Variants in ADAMTS3 observed in about 807,000 individuals in gnomAD.
The protein encoded by ADAMTS3 is A disintegrin and metalloproteinase with thrombospondin motifs 3.
Under a neutral mutation model 129.0 loss-of-function variants are expected in ADAMTS3, and 73 were observed. The ratio of observed to expected loss-of-function variants is 0.57; its 90% CI spans 0.47 to 0.69. The LOEUF (loss-of-function observed/expected upper bound fraction) is 0.69. Ranked by LOEUF, ADAMTS3 falls within the 30% of genes least tolerant of loss-of-function variation. ADAMTS3 has a pLI of 0.00. For missense variants in ADAMTS3, 1,457 were observed against 1,514.5 expected (o/e 0.96, Z 0.63); for synonymous variants, 477 against 510.8 (o/e 0.93, Z 0.89).
intron 2 of ADAMTS3, among the ~76,000 whole-genome samples, chr4:72,554,666 T>C (rs1270315746): frequency 6.6e-6 from 1 of 151,750 alleles, no homozygotes; most frequent in Non-Finnish European, 1.5e-5. Flanking sequence ...TAGCAATTTC[T>C]CTCAAACTAA....
rs776048252 is a variant in ADAMTS3, at chr4:72,319,971, G to T, written c.1103-8C>A. 4 of 1,598,686 alleles carry T rather than the reference G, an allele frequency of 2.5e-6. No homozygotes were observed. In the African/African-American group the frequency reaches 5.4e-5, roughly 21 times the overall value. On this transcript the variant is annotated splice_polypyrimidine_tract_variant and splice_region_variant and intron_variant, in intron 7 of 21. Coordinates refer to ENST00000286657, the MANE Select transcript of ADAMTS3 (RefSeq NM_014243.3). ...CGGTGACTGGAGCATATCCTGTAGAGAATAACAATTACTTTTATTTTCATT... is the reference window on the plus strand; with the variant it reads ...CGGTGACTGGAGCATATCCTGTAGATAATAACAATTACTTTTATTTTCATT...
intron 21 of ADAMTS3, among the ~76,000 whole-genome samples, chr4:72,284,366 A>T (rs1428291418): frequency 6.6e-6 from 1 of 151,782 alleles, no homozygotes; most frequent in Non-Finnish European, 1.5e-5. Context: ...AGTGGCGTGA[A>T]CCCAGGAGGT....
chr4:72,524,566 C>T (rs942414663), intron 3 of ADAMTS3, among the ~76,000 whole-genome samples: 7 of 151,870 alleles, frequency 4.6e-5, no homozygotes, highest in Non-Finnish European at 8.8e-5. Context: ...TATTAAGTTA[C>T]TATTATTATC....
intron 4 of ADAMTS3, among the ~76,000 whole-genome samples, chr4:72,344,760 TG>T (rs775326195): frequency 2.6e-5 from 4 of 152,056 alleles, no homozygotes; most frequent in Non-Finnish European, 5.9e-5. Context: ...AGCAGTTCTA[TG>T]GGGTGATCCT....
At chr4:72,326,337 C>T (rs1287713896) in intron 5 of ADAMTS3, among the ~76,000 whole-genome samples, 1 of 152,118 alleles carries the variant, frequency 6.6e-6, no homozygotes, top group Non-Finnish European at 1.5e-5. Context: ...ATATTATTCA[C>T]TTCCAAAATA....
chr4:72,358,561 G>A (rs1056018489), intron 4 of ADAMTS3, among the ~76,000 whole-genome samples: 4 of 151,688 alleles, frequency 2.6e-5, no homozygotes, highest in African/African-American at 9.7e-5. Context: ...GAATTACCTT[G>A]GACGATAGAA....
chr4:72,333,848 CTT>C (rs6148516), intron 5 of ADAMTS3, among the ~76,000 whole-genome samples: 6 of 99,466 alleles, frequency 6.0e-5, no homozygotes, highest in African/African-American at 1.2e-4. Context: ...TGTTTGCTTG[CTT>C]TTTTTTTTTT....
At chr4:72,455,767 T>G (rs540884458) in intron 3 of ADAMTS3, among the ~76,000 whole-genome samples, 1 of 141,234 alleles carries the variant, frequency 7.1e-6, no homozygotes, top group African/African-American at 2.6e-5. Flanking sequence ...TAAAGAAATA[T>G]TCACCATTGT....
intron 3 of ADAMTS3, among the ~76,000 whole-genome samples, chr4:72,509,216 C>T (rs774763588): frequency 2.7e-5 from 4 of 148,728 alleles, no homozygotes; most frequent in Admixed American, 6.7e-5. Flanking sequence ...TCTTAAAGAA[C>T]TAGAAATGCA....
At chr4:72,305,663 C>A (rs1048979315) in intron 16 of ADAMTS3, among the ~76,000 whole-genome samples, 8 of 151,334 alleles carry the variant, frequency 5.3e-5, no homozygotes, top group Non-Finnish European at 8.8e-5. Context: ...GGAGAAATGA[C>A]CAAAAAAAAC....
In ADAMTS3 at chr4:72,323,044, C is replaced by G. The variant is rs766299485; in HGVS notation, c.915G>C (p.Leu305=). The change falls in exon 6 of 22, where the codon CTG becomes CTC. Residue 305 remains leucine, a synonymous_variant. Transcript: ENST00000286657. ...CATATCCCAGCATTATCATGCGCAC[C>G]AGGACCACATTTATATGCACTCCGA... ...ESLGVHINVV[L]VRMIMLGYAK... The G allele has an allele frequency of 6.2e-7, 1 of 1,613,530 alleles. No individual in the cohort carries two copies. The highest frequency in any genetic ancestry group is 2.2e-5 in the East Asian group (1 of 44,842).
chr4:72,395,019 G>C (rs1037754635), intron 4 of ADAMTS3, among the ~76,000 whole-genome samples: 1 of 151,796 alleles, frequency 6.6e-6, no homozygotes, highest in Non-Finnish European at 1.5e-5. Context: ...CCGCCTCCTG[G>C]GTGCAAGCTA....
intron 3 of ADAMTS3, among the ~76,000 whole-genome samples, chr4:72,440,506 A>G (rs1718083892): frequency 6.6e-6 from 1 of 151,922 alleles, no homozygotes; most frequent in Non-Finnish European, 1.5e-5. Flanking sequence ...AGCAATGCAT[A>G]TGATGTTCAC....
intron 4 of ADAMTS3, among the ~76,000 whole-genome samples, chr4:72,403,618 G>A (rs953222102): frequency 6.6e-6 from 1 of 151,928 alleles, no homozygotes; most frequent in Admixed American, 6.6e-5. Context: ...GTGTGCTTGA[G>A]TTATGCAGAA....
At chr4:72,544,260 T>C (rs999674669) in intron 3 of ADAMTS3, among the ~76,000 whole-genome samples, 4 of 152,158 alleles carry the variant, frequency 2.6e-5, no homozygotes, top group African/African-American at 7.2e-5. Context: ...AAAAGCCAAA[T>C]TGATTTTTCA....
chr4:72,358,769 C>A (rs1211033179), intron 4 of ADAMTS3, among the ~76,000 whole-genome samples: 1 of 151,924 alleles, frequency 6.6e-6, no homozygotes. Context: ...TAAAATGATT[C>A]TTCACCAGGT....
At chr4:72,323,591 T>C (rs181610075) in intron 5 of ADAMTS3, among the ~76,000 whole-genome samples, 103 of 152,188 alleles carry the variant, frequency 6.8e-4, no homozygotes, top group Non-Finnish European at 1.6e-4. Context: ...GTAGTGTATC[T>C]GAGGGCCAGC....
chr4:72,414,405 C>A (rs1722254547), intron 4 of ADAMTS3, among the ~76,000 whole-genome samples: 1 of 151,780 alleles, frequency 6.6e-6, no homozygotes, highest in African/African-American at 2.4e-5. Flanking sequence ...TCAAATATAT[C>A]CATCACACTG....
chr4:72,309,320 G>T (rs1719166998), intron 15 of ADAMTS3, 77 bp downstream of exon 15: 8 of 1,439,418 alleles, frequency 5.6e-6, no homozygotes, highest in South Asian at 4.9e-5. Context: ...AGAAAATGCT[G>T]CATTTCTAAA....
Sources: allele counts gnomAD v4.1 joint callset (sites outside exome capture counted in the v4.1 genomes callset), GRCh38; gene constraint gnomAD v4.1.1; transcripts MANE v1.5; gene names NCBI Gene and HGNC (gene_info 2026-07-23, HGNC 2026-07-21).